Variants in MAP4 observed in about 807,000 individuals in gnomAD.
The protein encoded by MAP4 is microtubule-associated protein 4.
A neutral mutation model predicts 170.2 loss-of-function variants in MAP4; 76 were observed. The ratio of observed to expected loss-of-function variants is 0.45; its 90% CI spans 0.37 to 0.54. The LOEUF is 0.54. Ranked by LOEUF, MAP4 falls within the 20% of genes least tolerant of loss-of-function variation. The probability of loss-of-function intolerance (pLI) is 0.00; values close to 1 mark genes in which losing one functional copy is unlikely to be tolerated. For synonymous variants in MAP4, 909 were observed against 994.5 expected, an observed-to-expected ratio of 0.91 and a Z score of 1.62; for missense variants, 2,506 against 2,748.0, an observed-to-expected ratio of 0.91 and a Z score of 1.97.
chr3:47,944,670 A>C (rs1402278794), intron 3 of MAP4, among the ~76,000 whole-genome samples: 1 of 151,930 alleles, frequency 6.6e-6, no homozygotes, highest in African/African-American at 2.4e-5. Context: ...TTCTAGACTT[A>C]ATTTTTCATT....
chr3:47,879,518 T>C (rs2096269955), intron 10 of MAP4, among the ~76,000 whole-genome samples: 1 of 152,174 alleles, frequency 6.6e-6, no homozygotes, highest in Non-Finnish European at 1.5e-5. Context: ...TCTCCCCAAG[T>C]GTTGATATCC....
chr3:48,043,253 G>A (rs1430354444), intron 1 of MAP4, among the ~76,000 whole-genome samples: 1 of 151,952 alleles, frequency 6.6e-6, no homozygotes, highest in Non-Finnish European at 1.5e-5. Context: ...GGCACGTGTC[G>A]CCATGCCCGG....
chr3:47,964,176 G>A (rs945586929), intron 3 of MAP4, among the ~76,000 whole-genome samples: 2 of 152,222 alleles, frequency 1.3e-5, no homozygotes, highest in Non-Finnish European at 2.9e-5. Context: ...GGAGGGTTCT[G>A]TGCAAAAGAA....
chr3:48,044,839 C>T (rs916778561), intron 1 of MAP4, among the ~76,000 whole-genome samples: 1 of 152,050 alleles, frequency 6.6e-6, no homozygotes, highest in Non-Finnish European at 1.5e-5. Context: ...ATCCCAGCTA[C>T]TCGGGAGGCT....
At chr3:47,858,614 T>TGTGTGTGTGTGTGTGTGTGC (rs1491506129) in intron 17 of MAP4, among the ~76,000 whole-genome samples, 16 of 138,510 alleles carry the variant, frequency 1.2e-4, no homozygotes, top group African/African-American at 4.1e-4. Context: ...TGTGTGTGTG[T>TGTGTGTGTGTGTGTGTGTGC]GCGCGTTGTG....
At chr3:47,946,509 C>T (rs2100060017) in intron 3 of MAP4, among the ~76,000 whole-genome samples, 1 of 149,290 alleles carries the variant, frequency 6.7e-6, no homozygotes, top group Non-Finnish European at 1.5e-5. Context: ...CAAAAATTAG[C>T]CGGGTGTTGT....
chr3:48,077,462 A>G (rs1340617547), intron 1 of MAP4, among the ~76,000 whole-genome samples: 1 of 150,632 alleles, frequency 6.6e-6, no homozygotes, highest in African/African-American at 2.4e-5. Flanking sequence ...AAAAAAAAAG[A>G]AAGAAAGAAA....
At chr3:48,058,491 G>C (rs1211216607) in intron 1 of MAP4, among the ~76,000 whole-genome samples, 4 of 152,162 alleles carry the variant, frequency 2.6e-5, no homozygotes, top group Non-Finnish European at 1.5e-5. Flanking sequence ...ATTTTCACTA[G>C]GTCTGGCTGA....
chr3:47,859,986 A>T (rs1157309066), intron 17 of MAP4, among the ~76,000 whole-genome samples: 1 of 152,200 alleles, frequency 6.6e-6, no homozygotes, highest in East Asian at 1.9e-4. Context: ...GGGAGACATG[A>T]AGACCTCATC....
intron 3 of MAP4, 35 bp from the exon 4 acceptor site, chr3:47,928,385 T>C: frequency 6.2e-7 from 1 of 1,610,082 alleles, no homozygotes; most frequent in East Asian, 2.2e-5. Flanking sequence ...AGTTACAAGA[T>C]ATTACAGTTT....
In MAP4 at chr3:47,996,759, C is replaced by A. The variant is rs530015004; in HGVS notation, c.223+1879G>T. Among the ~76,000 whole-genome samples the A allele has an allele frequency of 6.6e-5, 10 of 152,002 alleles. No individual in the cohort carries two copies. In the East Asian group the frequency reaches 1.7e-3, roughly 26 times the overall value. Reference sequence around the variant, plus strand: ...TAAGACACACACACACACACACACACACACACACACACAGAGCAATCAGAC... The same window carrying A: ...TAAGACACACACACACACACACACAAACACACACACACAGAGCAATCAGAC... On this transcript the variant is annotated intron_variant, in intron 2 of 20. Transcript: ENST00000683076.
chr3:47,974,912 T>C, intron 3 of MAP4: 1 of 985,158 alleles, frequency 1.0e-6, no homozygotes, highest in Non-Finnish European at 1.2e-6. Context: ...GAAACATAGG[T>C]AGCCTGTAAG....
chr3:47,877,666 A>C (rs539064975), intron 10 of MAP4, 143 bp from the exon 11 acceptor site: 2 of 563,576 alleles, frequency 3.5e-6, no homozygotes, highest in East Asian at 6.0e-5. Flanking sequence ...TGAAATGTGG[A>C]CAAGCCTCCC....
chr3:47,994,295 G>A (rs1192246126), intron 2 of MAP4, among the ~76,000 whole-genome samples: 1 of 152,166 alleles, frequency 6.6e-6, no homozygotes, highest in Non-Finnish European at 1.5e-5. Flanking sequence ...ATGCACGGTG[G>A]AGACATTTGT....
At chr3:48,028,503 G>A (rs530299810) in intron 1 of MAP4, among the ~76,000 whole-genome samples, 9 of 151,904 alleles carry the variant, frequency 5.9e-5, no homozygotes, top group East Asian at 5.9e-4. Context: ...GGCTGGGCAC[G>A]GTGGCTCACA....
Position 47,853,235 on chromosome 3 carries a change from C to T in MAP4, c.6814G>A (p.Gly2272Ser). ...GAPTSASGLN[G>S]HPTLSGGGDQ... The stretch of plus-strand genomic sequence containing the variant: ...CCACCCCCTGACAGGGTGGGGTGGC[C>T]ATTGAGGCCACTGGCTGAAGTGGGG... Residue 2272 changes from glycine to serine, a missense_variant, in exon 20 of 21, where the codon GGC becomes AGC. Physicochemically the swap from Gly to Ser is moderately conservative, Grantham distance 56. Coordinates refer to ENST00000683076, the MANE Select transcript of MAP4 (RefSeq NM_001385682.1). 6.3e-7 allele frequency: 1 copy of T among 1,584,368 alleles called. No homozygotes were observed. Among genetic ancestry groups the T allele is most frequent in the Non-Finnish European group, 8.6e-7 (1 of 1,163,622 alleles).
At chr3:48,003,935 C>A (rs1017610223) in intron 1 of MAP4, among the ~76,000 whole-genome samples, 4 of 152,314 alleles carry the variant, frequency 2.6e-5, no homozygotes, top group Middle Eastern at 3.4e-3. Context: ...GTGCTGGATA[C>A]TTTCTGCCCT....
intron 3 of MAP4, chr3:47,973,146 A>G: frequency 1.0e-6 from 1 of 983,404 alleles, no homozygotes; most frequent in Non-Finnish European, 1.2e-6. Context: ...AGAAGTCCCA[A>G]TATACAAACT....
At chr3:48,077,214 G>A (rs1409362545) in intron 1 of MAP4, among the ~76,000 whole-genome samples, 3 of 151,876 alleles carry the variant, frequency 2.0e-5, no homozygotes, top group East Asian at 1.9e-4. Context: ...AGGCGGAGGT[G>A]GGCAGATCAC....
Sources: allele counts gnomAD v4.1 joint callset (sites outside exome capture counted in the v4.1 genomes callset), GRCh38; gene constraint gnomAD v4.1.1; transcripts MANE v1.5; gene names NCBI Gene and HGNC (gene_info 2026-07-23, HGNC 2026-07-21).